The following STARD13 variants were observed in gnomAD, a reference collection of about 807,000 sequenced individuals.
STARD13 encodes the protein stAR-related lipid transfer protein 13.
A neutral mutation model predicts 106.4 loss-of-function variants in STARD13; 62 were observed. The observed-to-expected ratio is 0.58, with a 90% CI of 0.48 to 0.72. STARD13 has a LOEUF of 0.72. Ranked by LOEUF, STARD13 falls within the 30% of genes least tolerant of loss-of-function variation. STARD13 has a pLI of 0.00. For missense variants in STARD13, 1,387 were observed against 1,424.0 expected (o/e 0.97, Z 0.42); for synonymous variants, 565 against 553.0 (o/e 1.02, Z -0.31).
the STARD13 span, among the ~76,000 whole-genome samples, chr13:33,487,045 GTC>G: frequency 2.6e-5 from 4 of 152,172 alleles, no homozygotes; most frequent in African/African-American, 9.7e-5. Flanking sequence ...ATGGTTATTG[GTC>G]TCTGTCATAT....
chr13:33,146,293 C>A (rs1468586841), intron 3 of STARD13, among the ~76,000 whole-genome samples: 1 of 151,834 alleles, frequency 6.6e-6, no homozygotes. Context: ...CATTGCACCC[C>A]AGCCTGGGTG....
At chr13:33,650,164 A>ACGTTTTTTTT in the STARD13 span, among the ~76,000 whole-genome samples, 1 of 48,358 alleles carries the variant, frequency 2.1e-5, no homozygotes, top group East Asian at 7.3e-4. Flanking sequence ...CGTGACTCCA[A>ACGTTTTTTTT]TTTTTTTTTT....
intron 1 of STARD13, among the ~76,000 whole-genome samples, chr13:33,201,224 T>C (rs1887016978): frequency 6.6e-6 from 1 of 152,072 alleles, no homozygotes; most frequent in South Asian, 2.1e-4. Context: ...GCATTATTAG[T>C]GGGGATGCAC....
At chr13:33,240,045 T>A (rs1387236803) in intron 1 of STARD13, among the ~76,000 whole-genome samples, 1 of 152,190 alleles carries the variant, frequency 6.6e-6, no homozygotes, top group Non-Finnish European at 1.5e-5. Context: ...AGCTATTTTA[T>A]CCATTTTGAG....
At chr13:33,202,357 A>G (rs1329162243) in intron 1 of STARD13, among the ~76,000 whole-genome samples, 1 of 152,212 alleles carries the variant, frequency 6.6e-6, no homozygotes, top group Non-Finnish European at 1.5e-5. Flanking sequence ...AATTTATTCC[A>G]GACACAAAAA....
At chr13:33,397,090 T>C in the STARD13 span, among the ~76,000 whole-genome samples, 4 of 152,170 alleles carry the variant, frequency 2.6e-5, no homozygotes, top group African/African-American at 4.8e-5. Context: ...CTTGAGTCCA[T>C]TGGGATTCAT....
chr13:33,231,241 CT>C (rs140100780), intron 1 of STARD13, among the ~76,000 whole-genome samples: 1,963 of 152,306 alleles, frequency 0.013, 54 homozygotes, highest in African/African-American at 0.045. Context: ...AAGCTGCTGA[CT>C]TGGCAGCCAT....
the STARD13 span, among the ~76,000 whole-genome samples, chr13:33,411,459 A>G: frequency 6.6e-6 from 1 of 152,002 alleles, no homozygotes; most frequent in Non-Finnish European, 1.5e-5. Flanking sequence ...TTTCCATTGG[A>G]TCTTTATAAG....
At chr13:33,279,454 A>T (rs1259737639) in intron 1 of STARD13, 2 of 152,224 alleles carry the variant, frequency 1.3e-5, no homozygotes, top group Non-Finnish European at 1.5e-5. Flanking sequence ...ATTTTTATTT[A>T]CTTAAGCTAA....
chr13:33,185,107 T>C (rs1366718343), intron 1 of STARD13, among the ~76,000 whole-genome samples: 1 of 152,204 alleles, frequency 6.6e-6, no homozygotes, highest in Non-Finnish European at 1.5e-5. Flanking sequence ...GATCTATTTA[T>C]TTTCAACAGC....
the STARD13 span, among the ~76,000 whole-genome samples, chr13:33,538,855 C>T: frequency 3.7e-4 from 56 of 151,858 alleles, no homozygotes; most frequent in African/African-American, 6.0e-4. Flanking sequence ...CTGCAAGCTC[C>T]GCCTCCCGGG....
the STARD13 span, among the ~76,000 whole-genome samples, chr13:33,387,031 A>T: frequency 6.6e-6 from 1 of 151,990 alleles, no homozygotes; most frequent in Non-Finnish European, 1.5e-5. Flanking sequence ...TTCTTTAGAG[A>T]TGGGGTTTCT....
chr13:33,178,237 T>G (rs962140930), intron 1 of STARD13, among the ~76,000 whole-genome samples: 2 of 152,254 alleles, frequency 1.3e-5, no homozygotes, highest in Non-Finnish European at 2.9e-5. Context: ...CATCTTTTTA[T>G]GTCAACAGAT....
chr13:33,257,978 T>C (rs1198659155), intron 1 of STARD13, among the ~76,000 whole-genome samples: 3 of 152,238 alleles, frequency 2.0e-5, no homozygotes, highest in Non-Finnish European at 4.4e-5. Flanking sequence ...CAAGAGCCCT[T>C]TGGCTATTAA....
the STARD13 span, among the ~76,000 whole-genome samples, chr13:33,588,184 G>A: frequency 6.6e-6 from 1 of 152,126 alleles, no homozygotes; most frequent in Admixed American, 6.5e-5. Context: ...TCCTCATTGT[G>A]TAAGACTATA....
the STARD13 span, among the ~76,000 whole-genome samples, chr13:33,664,492 G>A: frequency 6.6e-6 from 1 of 152,124 alleles, no homozygotes; most frequent in Non-Finnish European, 1.5e-5. Flanking sequence ...TTTGCTGCAT[G>A]TGATGAAACT....
chr13:33,135,435 G>T (rs1305368027), intron 4 of STARD13, among the ~76,000 whole-genome samples: 1 of 152,166 alleles, frequency 6.6e-6, no homozygotes, highest in Admixed American at 6.5e-5. Flanking sequence ...CTGGTGTGTG[G>T]TCAATCTGAT....
the STARD13 span, among the ~76,000 whole-genome samples, chr13:33,445,453 T>C: frequency 2.0e-5 from 3 of 152,178 alleles, no homozygotes; most frequent in Non-Finnish European, 2.9e-5. Context: ...TTAGTTTCCT[T>C]AGACAAGTAT....
chr13:33,207,831 T>A (rs1887501525), intron 1 of STARD13, among the ~76,000 whole-genome samples: 1 of 152,188 alleles, frequency 6.6e-6, no homozygotes, highest in Non-Finnish European at 1.5e-5. Context: ...CAGGCCCTGC[T>A]CGATGCAGGC....
Sources: gnomAD v4.1 joint callset for allele counts (sites outside exome capture counted in the v4.1 genomes callset) on GRCh38, gnomAD v4.1.1 for gene constraint, MANE v1.5 for transcripts, NCBI Gene and HGNC (gene_info 2026-07-23, HGNC 2026-07-21) for gene names.